The following SCAPER variants were observed in gnomAD, a reference collection of about 807,000 sequenced individuals.
The protein encoded by SCAPER is S-phase cyclin A associated protein in the ER, also known as S phase cyclin A-associated protein in the endoplasmic reticulum.
Under a neutral mutation model 182.2 loss-of-function variants are expected in SCAPER, and 98 were observed. The observed-to-expected ratio is 0.54, with a 90% CI of 0.46 to 0.64. The LOEUF (loss-of-function observed/expected upper bound fraction) is 0.64, where lower values mean the gene tolerates loss of function less well. SCAPER is among the 30% of genes least tolerant of loss of function. The probability of loss-of-function intolerance (pLI) is 0.00; values close to 1 mark genes in which losing one functional copy is unlikely to be tolerated. For synonymous variants in SCAPER, 605 were observed against 564.6 expected (o/e 1.07, Z -1.01); for missense variants, 1,432 against 1,690.0 (o/e 0.85, Z 2.68).
chr15:76,566,141 T>C (rs1213163892), intron 23 of SCAPER, among the ~76,000 whole-genome samples: 1 of 152,134 alleles, frequency 6.6e-6, no homozygotes, highest in Admixed American at 6.5e-5. Flanking sequence ...GATTTATCTC[T>C]CTGAGCCTAG....
At chr15:76,370,552 G>T in intron 29 of SCAPER, among the ~76,000 whole-genome samples, 1 of 152,038 alleles carries the variant, frequency 6.6e-6, no homozygotes, top group South Asian at 2.1e-4. Flanking sequence ...TGATCTGCCT[G>T]CCTCGGCTGC....
intron 28 of SCAPER, 76 bp from the exon 29 acceptor site, chr15:76,376,387 C>T (rs2042568385): frequency 6.9e-7 from 1 of 1,445,896 alleles, no homozygotes; most frequent in Non-Finnish European, 9.3e-7. Flanking sequence ...GCAAGACTGG[C>T]CCTGTGTACT....
chr15:76,899,233 C>T (rs552950169), intron 1 of SCAPER, among the ~76,000 whole-genome samples: 1 of 152,338 alleles, frequency 6.6e-6, no homozygotes, highest in African/African-American at 2.4e-5. Context: ...GCCATGATCT[C>T]AGCTAGCTGC....
At chr15:76,370,553 C>T (rs1317557793) in intron 29 of SCAPER, among the ~76,000 whole-genome samples, 4 of 152,046 alleles carry the variant, frequency 2.6e-5, no homozygotes, top group African/African-American at 9.7e-5. Flanking sequence ...GATCTGCCTG[C>T]CTCGGCTGCC....
At chr15:76,826,419 G>C (rs1162241527) in intron 5 of SCAPER, among the ~76,000 whole-genome samples, 10 of 112,856 alleles carry the variant, frequency 8.9e-5, no homozygotes, top group Non-Finnish European at 1.7e-4. Context: ...TTGTGGGGTG[G>C]GGGGAGGGGG....
intron 5 of SCAPER, among the ~76,000 whole-genome samples, chr15:76,841,029 T>A (rs2069425156): frequency 6.6e-6 from 1 of 152,182 alleles, no homozygotes; most frequent in Non-Finnish European, 1.5e-5. Flanking sequence ...ACATTAAACA[T>A]GAAACCAAAG....
intron 8 of SCAPER, among the ~76,000 whole-genome samples, chr15:76,776,080 A>G (rs1568097409): frequency 6.6e-6 from 1 of 152,308 alleles, no homozygotes; most frequent in African/African-American, 2.4e-5. Context: ...GATAGACTAC[A>G]GTAGACTGCC....
intron 15 of SCAPER, among the ~76,000 whole-genome samples, chr15:76,739,066 C>G (rs974313334): frequency 2.6e-5 from 4 of 152,082 alleles, no homozygotes; most frequent in Middle Eastern, 3.2e-3. Context: ...TGCACAGTAT[C>G]TACATTGTAT....
chr15:76,377,214 A>C (rs1437823421), intron 28 of SCAPER, among the ~76,000 whole-genome samples: 1 of 152,250 alleles, frequency 6.6e-6, no homozygotes, highest in Non-Finnish European at 1.5e-5. Context: ...TTCACTTAAC[A>C]GTGGGTGAAA....
At chr15:76,522,094 T>A (rs1388140617) in intron 23 of SCAPER, among the ~76,000 whole-genome samples, 6 of 152,184 alleles carry the variant, frequency 3.9e-5, no homozygotes, top group Non-Finnish European at 5.9e-5. Context: ...GACAAGTGAT[T>A]TATACGTTCC....
rs1417984051 is a variant in SCAPER, at chr15:76,542,728, A to G, written c.2838+31430T>C. Reference sequence around the variant, plus strand: ...TTTTGCTTTTTTTACTCTTTATATAAGTCTTGGGGTAGCTAAGTCATGGTT... The same window carrying G: ...TTTTGCTTTTTTTACTCTTTATATAGGTCTTGGGGTAGCTAAGTCATGGTT... On this transcript the variant is annotated intron_variant, in intron 23 of 31. Transcript: ENST00000563290. Among the ~76,000 whole-genome samples the G allele has an allele frequency of 7.9e-5, 12 of 152,174 alleles. No individual in the cohort carries two copies. The East Asian group carries it at 2.3e-3, about 29-fold the overall frequency.
intron 24 of SCAPER, among the ~76,000 whole-genome samples, chr15:76,479,772 TA>T (rs1050349275): frequency 2.0e-5 from 3 of 151,116 alleles, no homozygotes; most frequent in Non-Finnish European, 3.0e-5. Context: ...GGTTAAGACT[TA>T]AAAAAAAACA....
At chr15:76,638,490 A>C (rs865907682) in intron 21 of SCAPER, among the ~76,000 whole-genome samples, 25 of 152,294 alleles carry the variant, frequency 1.6e-4, no homozygotes, top group African/African-American at 5.3e-4. Context: ...ATGTCCTCTA[A>C]GGTTTTGGTT....
At chr15:76,565,471 A>C (rs978897281) in intron 23 of SCAPER, among the ~76,000 whole-genome samples, 1 of 152,112 alleles carries the variant, frequency 6.6e-6, no homozygotes, top group Non-Finnish European at 1.5e-5. Context: ...TCAAAACCAC[A>C]ATAAGATATC....
intron 25 of SCAPER, among the ~76,000 whole-genome samples, chr15:76,458,354 T>C (rs284898): frequency 0.12 from 18,476 of 151,894 alleles, 1,525 homozygotes; most frequent in African/African-American, 0.24. Flanking sequence ...AGAGAGAATA[T>C]TTTGAAAGTG....
At chr15:76,568,256 T>C (rs1027011742) in intron 23 of SCAPER, among the ~76,000 whole-genome samples, 6 of 151,118 alleles carry the variant, frequency 4.0e-5, no homozygotes, top group Admixed American at 6.6e-5. Context: ...TTCAATTATG[T>C]TCCATTCTTC....
intron 22 of SCAPER, among the ~76,000 whole-genome samples, chr15:76,575,077 G>GC (rs1173895076): frequency 1.3e-5 from 2 of 152,036 alleles, no homozygotes; most frequent in East Asian, 3.9e-4. Context: ...CTGTTGTTCT[G>GC]TTTTTTACTC....
chr15:76,659,999 A>G (rs2055998209), intron 21 of SCAPER, among the ~76,000 whole-genome samples: 1 of 152,208 alleles, frequency 6.6e-6, no homozygotes, highest in African/African-American at 2.4e-5. Flanking sequence ...CTAAATGCCT[A>G]TCAATGGGAG....
rs1325634951 is a variant in SCAPER, at chr15:76,766,818, T to A, written c.1419+100A>T. The stretch of plus-strand genomic sequence containing the variant: ...TGAACATGATTTTTAAATAAATAAT[T>A]CTAAATAGGACTAGATGGACTCCAA... On this transcript the variant is annotated intron_variant, in intron 11 of 31. Coordinates refer to ENST00000563290, the MANE Select transcript of SCAPER (RefSeq NM_020843.4). 6.7e-6 allele frequency: 6 copies of A among 899,564 alleles called. No individual in the cohort carries two copies. The African/African-American group carries it at 1.0e-4, about 15-fold the overall frequency. The allele number at this position is 899,564 out of a possible 1,614,324, so 55.7% of individuals were successfully genotyped here.
Sources: allele counts gnomAD v4.1 joint callset (sites outside exome capture counted in the v4.1 genomes callset), GRCh38; gene constraint gnomAD v4.1.1; transcripts MANE v1.5; gene names NCBI Gene and HGNC (gene_info 2026-07-23, HGNC 2026-07-21).